Variants in GRIA1 observed in about 807,000 individuals in gnomAD.
GRIA1 encodes glutamate receptor 1.
Under a neutral mutation model 99.2 loss-of-function variants are expected in GRIA1, and 31 were observed. The ratio of observed to expected loss-of-function variants is 0.31; its 90% CI spans 0.23 to 0.42. The LOEUF (loss-of-function observed/expected upper bound fraction) is 0.42, where lower values mean the gene tolerates loss of function less well. Ranked by LOEUF, GRIA1 falls within the 10% of genes least tolerant of loss-of-function variation. The pLI, the probability that GRIA1 is intolerant of heterozygous loss-of-function variation, is 1.00. For synonymous variants in GRIA1, 438 were observed against 432.4 expected (o/e 1.01, Z -0.16); for missense variants, 782 against 1,157.5 (o/e 0.68, Z 4.71).
At chr5:153,607,068 T>TATATATAA (rs1491415058) in intron 2 of GRIA1, among the ~76,000 whole-genome samples, 6 of 140,408 alleles carry the variant, frequency 4.3e-5, no homozygotes, top group Non-Finnish European at 7.8e-5. Flanking sequence ...TATATATATA[T>TATATATAA]AATCACAGTT....
chr5:153,648,529 C>A (rs1458978770), intron 3 of GRIA1, among the ~76,000 whole-genome samples: 5 of 152,098 alleles, frequency 3.3e-5, no homozygotes. Context: ...AATTTCCACA[C>A]TATAAAATAG....
intron 13 of GRIA1, among the ~76,000 whole-genome samples, chr5:153,784,338 CCTT>C (rs1187501306): frequency 6.6e-6 from 1 of 152,120 alleles, no homozygotes; most frequent in Non-Finnish European, 1.5e-5. Context: ...TCAAATCACG[CCTT>C]CAGACTCTTT....
At chr5:153,623,227 A>G (rs980746881) in intron 2 of GRIA1, among the ~76,000 whole-genome samples, 1 of 152,218 alleles carries the variant, frequency 6.6e-6, no homozygotes, top group South Asian at 2.1e-4. Context: ...ATTGGAAAAA[A>G]AAATGCCATG....
intron 2 of GRIA1, among the ~76,000 whole-genome samples, chr5:153,544,634 G>A (rs1026716961): frequency 5.9e-5 from 9 of 152,180 alleles, no homozygotes; most frequent in Non-Finnish European, 1.0e-4. Flanking sequence ...AGATTGAAGA[G>A]CTTAGAGAAA....
chr5:153,494,539 G>A (rs1019105302), intron 2 of GRIA1, among the ~76,000 whole-genome samples: 11 of 152,236 alleles, frequency 7.2e-5, no homozygotes, highest in African/African-American at 7.2e-5. Context: ...CTTCATTTTC[G>A]GAAGTGACCA....
At chr5:153,704,836 AC>A (rs1403828227) in intron 10 of GRIA1, among the ~76,000 whole-genome samples, 1 of 151,900 alleles carries the variant, frequency 6.6e-6, no homozygotes, top group Non-Finnish European at 1.5e-5. Flanking sequence ...GATAACACAT[AC>A]CCCTTCCACC....
chr5:153,726,860 G>A (rs974427809), intron 11 of GRIA1, among the ~76,000 whole-genome samples: 1 of 152,206 alleles, frequency 6.6e-6, no homozygotes, highest in African/African-American at 2.4e-5. Context: ...AATAGAAAAA[G>A]AGGGAAACCT....
chr5:153,709,379 G>T (rs889359206), intron 11 of GRIA1, among the ~76,000 whole-genome samples: 1 of 152,138 alleles, frequency 6.6e-6, no homozygotes, highest in African/African-American at 2.4e-5. Context: ...CATCTGAATT[G>T]CATATATCTG....
intron 2 of GRIA1, among the ~76,000 whole-genome samples, chr5:153,563,193 C>T (rs1428021493): frequency 1.3e-5 from 2 of 149,694 alleles, no homozygotes; most frequent in East Asian, 2.0e-4. Flanking sequence ...AAAAAAAAAC[C>T]TTCTTGCTTT....
intron 2 of GRIA1, among the ~76,000 whole-genome samples, chr5:153,499,391 A>G (rs1296577378): frequency 1.3e-5 from 2 of 152,012 alleles, no homozygotes; most frequent in Non-Finnish European, 2.9e-5. Flanking sequence ...CGAGGTGGGC[A>G]GATCATGAGG....
At chr5:153,739,608 A>G (rs1761641170) in intron 11 of GRIA1, among the ~76,000 whole-genome samples, 1 of 152,168 alleles carries the variant, frequency 6.6e-6, no homozygotes, top group African/African-American at 2.4e-5. Flanking sequence ...TAACATTCCC[A>G]CTGGGTCAAG....
At chr5:153,585,974 G>C (rs963448352) in intron 2 of GRIA1, among the ~76,000 whole-genome samples, 1 of 152,030 alleles carries the variant, frequency 6.6e-6, no homozygotes, top group Non-Finnish European at 1.5e-5. Flanking sequence ...GGTGAGGAGG[G>C]GGAGTGTGCT....
At chr5:153,556,989 A>G (rs1265587850) in intron 2 of GRIA1, among the ~76,000 whole-genome samples, 1 of 152,226 alleles carries the variant, frequency 6.6e-6, no homozygotes, top group Non-Finnish European at 1.5e-5. Flanking sequence ...TGTACTGAAT[A>G]CTGAGGCAAG....
At chr5:153,547,557 C>G (rs1264368718) in intron 2 of GRIA1, among the ~76,000 whole-genome samples, 1 of 152,194 alleles carries the variant, frequency 6.6e-6, no homozygotes, top group African/African-American at 2.4e-5. Context: ...TAACTCAACA[C>G]TTCTCTCCCC....
intron 2 of GRIA1, among the ~76,000 whole-genome samples, chr5:153,642,260 C>T (rs923545497): frequency 2.6e-5 from 4 of 152,150 alleles, no homozygotes; most frequent in Admixed American, 1.3e-4. Context: ...CAAGCTCTGT[C>T]GTCAGACTGG....
rs1186583149 is a variant in GRIA1 at position 153,749,372 on chromosome 5, A to C, written c.1824-15062A>C. 2.0e-5 allele frequency among the ~76,000 whole-genome samples: 3 copies of C among 152,102 alleles called. No individual in the cohort carries two copies. In the East Asian group the frequency reaches 5.8e-4, roughly 29 times the overall value. ...ATAAAGGCTTACCCCTGGCTGGGTA[A>C]TTTATAAAGAAAAGAAGTTTATTTA... On this transcript the variant is annotated intron_variant, in intron 11 of 15. Transcript: ENST00000285900.
intron 2 of GRIA1, among the ~76,000 whole-genome samples, chr5:153,612,651 G>A (rs1766095809): frequency 6.6e-6 from 1 of 152,222 alleles, no homozygotes; most frequent in South Asian, 2.1e-4. Flanking sequence ...AGGAGAATAT[G>A]ATGTATTGTT....
chr5:153,588,936 T>C (rs1763729059), intron 2 of GRIA1, among the ~76,000 whole-genome samples: 1 of 152,132 alleles, frequency 6.6e-6, no homozygotes, highest in African/African-American at 2.4e-5. Flanking sequence ...ATACAATGCA[T>C]GAAGCATGCT....
intron 12 of GRIA1, 82 bp downstream of exon 12, chr5:153,764,714 T>C: frequency 1.0e-6 from 1 of 1,002,410 alleles, no homozygotes; most frequent in Non-Finnish European, 1.5e-6. Flanking sequence ...TTATATAGCC[T>C]GAGATAACAG....
Sources: gnomAD v4.1 joint callset for allele counts (sites outside exome capture counted in the v4.1 genomes callset) on GRCh38, gnomAD v4.1.1 for gene constraint, MANE v1.5 for transcripts, NCBI Gene and HGNC (gene_info 2026-07-23, HGNC 2026-07-21) for gene names.